The following OXR1 variants were observed in gnomAD, a reference collection of about 807,000 sequenced individuals.
OXR1 encodes the protein oxidation resistance protein 1.
OXR1 carries 41 observed loss-of-function variants against 104.6 expected under a neutral mutation model. That is an observed-to-expected ratio of 0.39 (90% CI 0.31 to 0.51). The LOEUF is 0.51. OXR1 is among the 20% of genes least tolerant of loss of function. The pLI is 0.77. For missense variants in OXR1, 955 were observed against 1,031.9 expected (o/e 0.93, Z 1.02); for synonymous variants, 348 against 348.4 (o/e 1.00, Z 0.01).
At chr8:106,686,551 C>A (rs1587088145) in intron 6 of OXR1, among the ~76,000 whole-genome samples, 1 of 152,014 alleles carries the variant, frequency 6.6e-6, no homozygotes, top group Non-Finnish European at 1.5e-5. Context: ...GTCTCCCATG[C>A]TGTATAAATC....
chr8:106,676,462 T>C (rs1420039429), intron 3 of OXR1, among the ~76,000 whole-genome samples: 2 of 152,194 alleles, frequency 1.3e-5, no homozygotes, highest in Non-Finnish European at 2.9e-5. Flanking sequence ...CTTTCCATAT[T>C]TTAGGGTTCT....
intron 2 of OXR1, among the ~76,000 whole-genome samples, chr8:106,374,655 G>T (rs369570332): frequency 1.3e-5 from 2 of 152,234 alleles, no homozygotes; most frequent in African/African-American, 4.8e-5. Flanking sequence ...ATCTAGGTCT[G>T]TTTAGATAAA....
chr8:106,412,914 T>C (rs1410589278), intron 2 of OXR1, among the ~76,000 whole-genome samples: 1 of 152,100 alleles, frequency 6.6e-6, no homozygotes, highest in East Asian at 1.9e-4. Flanking sequence ...TATGGTCCTA[T>C]GCACAATGTG....
At chr8:106,632,744 T>A (rs1386371494) in intron 3 of OXR1, among the ~76,000 whole-genome samples, 1 of 152,198 alleles carries the variant, frequency 6.6e-6, no homozygotes, top group African/African-American at 2.4e-5. Flanking sequence ...TATTCCAGCA[T>A]GGGCAACTGG....
intron 3 of OXR1, among the ~76,000 whole-genome samples, chr8:106,668,214 A>G (rs1349815814): frequency 2.6e-5 from 4 of 152,154 alleles, no homozygotes; most frequent in Non-Finnish European, 5.9e-5. Context: ...GTAACCTTTT[A>G]GAATGTCCTC....
chr8:106,621,060 G>T (rs778691116), intron 3 of OXR1, among the ~76,000 whole-genome samples: 38 of 152,264 alleles, frequency 2.5e-4, no homozygotes, highest in Middle Eastern at 6.8e-3. Flanking sequence ...ATTTAGAGGA[G>T]AACCGTGAAA....
chr8:106,694,016 A>G (rs566505860), intron 7 of OXR1, among the ~76,000 whole-genome samples: 10 of 152,174 alleles, frequency 6.6e-5, no homozygotes, highest in African/African-American at 2.4e-4. Context: ...TTACTTTAAA[A>G]TATTTTCTCT....
intron 3 of OXR1, among the ~76,000 whole-genome samples, chr8:106,676,906 C>T (rs189327965): frequency 1.2e-4 from 18 of 151,858 alleles, no homozygotes; most frequent in Admixed American, 5.9e-4. Context: ...AGAATATTTT[C>T]CATTTGTTTT....
chr8:106,489,375 G>T (rs1188000478), intron 2 of OXR1, among the ~76,000 whole-genome samples: 1 of 152,168 alleles, frequency 6.6e-6, no homozygotes, highest in African/African-American at 2.4e-5. Flanking sequence ...CACCCCAGCA[G>T]TACCCTCACT....
intron 2 of OXR1, among the ~76,000 whole-genome samples, chr8:106,454,419 C>G (rs1258918783): frequency 6.6e-6 from 1 of 150,518 alleles, no homozygotes; most frequent in Non-Finnish European, 1.5e-5. Flanking sequence ...CAAGATGGCG[C>G]CACTGCACTC....
At position 106,603,778 on chromosome 8, in the gene OXR1, C is replaced by A. The variant is rs140840147; in HGVS notation, c.221-75432C>A. Among the ~76,000 whole-genome samples the A allele has an allele frequency of 1.9e-3, 286 of 152,246 alleles. 2 individuals carry two copies. The highest frequency in any genetic ancestry group is 6.5e-3 in the African/African-American group (270 of 41,538). Reference sequence around the variant, plus strand: ...TTTAAAAATCAAGAACAGGGCCGGGCACAGTGGCTCACACCTATAATCCCA... The same window carrying A: ...TTTAAAAATCAAGAACAGGGCCGGGAACAGTGGCTCACACCTATAATCCCA... On this transcript the variant is annotated intron_variant, in intron 3 of 16. Transcript: ENST00000517566.
intron 2 of OXR1, among the ~76,000 whole-genome samples, chr8:106,413,068 G>T (rs1212592448): frequency 1.3e-5 from 2 of 151,886 alleles, no homozygotes; most frequent in Non-Finnish European, 2.9e-5. Flanking sequence ...AATAACCAAG[G>T]AAAATTTGTT....
At chr8:106,668,254 C>T (rs1826555917) in intron 3 of OXR1, among the ~76,000 whole-genome samples, 1 of 152,140 alleles carries the variant, frequency 6.6e-6, no homozygotes, top group Non-Finnish European at 1.5e-5. Context: ...ATACAATTGG[C>T]ATAATTTCAG....
intron 2 of OXR1, among the ~76,000 whole-genome samples, chr8:106,377,456 G>A (rs1350734018): frequency 1.3e-5 from 2 of 152,174 alleles, no homozygotes; most frequent in Non-Finnish European, 2.9e-5. Flanking sequence ...AAATTGCTAG[G>A]ATTACAGGTG....
At chr8:106,585,401 C>T (rs892333535) in intron 3 of OXR1, among the ~76,000 whole-genome samples, 1 of 152,114 alleles carries the variant, frequency 6.6e-6, no homozygotes, top group Non-Finnish European at 1.5e-5. Context: ...CAACTTTAGT[C>T]TAAACCAACT....
At chr8:106,535,064 A>G (rs1315950577) in intron 3 of OXR1, among the ~76,000 whole-genome samples, 2 of 151,906 alleles carry the variant, frequency 1.3e-5, no homozygotes, top group Non-Finnish European at 2.9e-5. Flanking sequence ...CCGGGTTCAC[A>G]CCATTCTCCT....
chr8:106,594,219 G>T (rs572790205), intron 3 of OXR1, among the ~76,000 whole-genome samples: 1 of 152,248 alleles, frequency 6.6e-6, no homozygotes, highest in Admixed American at 6.5e-5. Flanking sequence ...CAGTGTAAAG[G>T]ACATGTGTCT....
At chr8:106,288,402 A>G (rs1812586717) in intron 1 of OXR1, among the ~76,000 whole-genome samples, 2 of 152,086 alleles carry the variant, frequency 1.3e-5, no homozygotes, top group Non-Finnish European at 1.5e-5. Context: ...TCAGGGCAAC[A>G]AAAGTAGAAG....
At chr8:106,595,371 G>A (rs112883254) in intron 3 of OXR1, among the ~76,000 whole-genome samples, 3,920 of 151,976 alleles carry the variant, frequency 0.026, 170 homozygotes, top group African/African-American at 0.09. Context: ...CCAACATAGC[G>A]AAACCCCGTC....
Sources: allele counts gnomAD v4.1 joint callset (sites outside exome capture counted in the v4.1 genomes callset), GRCh38; gene constraint gnomAD v4.1.1; transcripts MANE v1.5; gene names NCBI Gene and HGNC (gene_info 2026-07-23, HGNC 2026-07-21).